Variants in FAM120A observed in about 807,000 individuals in gnomAD.
The protein encoded by FAM120A is family with sequence similarity 120 member A, also known as constitutive coactivator of PPAR-gamma-like protein 1.
A neutral mutation model predicts 109.7 loss-of-function variants in FAM120A; 15 were observed. The ratio of observed to expected loss-of-function variants is 0.14; its 90% CI spans 0.09 to 0.21. FAM120A has a LOEUF of 0.21. Among genes scored for constraint, FAM120A ranks in the 10% least tolerant of loss-of-function variants. FAM120A has a pLI of 1.00. For missense variants in FAM120A, 899 were observed against 1,439.3 expected, an observed-to-expected ratio of 0.62 and a Z score of 6.07; for synonymous variants, 493 against 572.8, an observed-to-expected ratio of 0.86 and a Z score of 1.99.
chr9:93,465,858 G>T (rs892890427), intron 1 of FAM120A, among the ~76,000 whole-genome samples: 5 of 152,174 alleles, frequency 3.3e-5, no homozygotes, highest in Non-Finnish European at 5.9e-5. Flanking sequence ...CAGCTTTTCT[G>T]TTTGTCTTTG....
intron 5 of FAM120A, among the ~76,000 whole-genome samples, chr9:93,508,713 G>C (rs1051290318): frequency 2.2e-4 from 33 of 152,194 alleles, no homozygotes; most frequent in African/African-American, 7.5e-4. Flanking sequence ...ACTGAGAGGG[G>C]CTCCTGTGCT....
At chr9:93,477,565 G>C (rs1358345184) in intron 3 of FAM120A, among the ~76,000 whole-genome samples, 1 of 152,218 alleles carries the variant, frequency 6.6e-6, no homozygotes, top group Non-Finnish European at 1.5e-5. Flanking sequence ...TTGAAATGTG[G>C]ATTGGGGAAA....
intron 3 of FAM120A, among the ~76,000 whole-genome samples, chr9:93,485,314 T>C (rs753785635): frequency 2.0e-5 from 3 of 151,994 alleles, no homozygotes; most frequent in Non-Finnish European, 4.4e-5. Flanking sequence ...AGAGGGCTTG[T>C]GCTGGGTATG....
At position 93,451,842 on chromosome 9, in the gene FAM120A, CGCGCGCCA is replaced by C; in HGVS notation, c.-73_-66del. 5 of 968,580 alleles carry C rather than the reference CGCGCGCCA, an allele frequency of 5.2e-6. No individual in the cohort carries two copies. The highest frequency in any genetic ancestry group is 6.1e-6 in the Non-Finnish European group (5 of 817,514). The allele number at this position is 968,580 out of a possible 1,614,324, so 60.0% of individuals were successfully genotyped here. A position where few individuals can be genotyped will look rare whatever the true frequency, so the allele number is the denominator to read the frequency against. ...CGCCGCCCCCGCCCGCCAGCCCGCC[CGCGCGCCA>C]CGGCCCCACCACCCCCGGCCCCGCC... On this transcript the variant is annotated 5_prime_UTR_variant, in exon 1 of 18. Transcript: ENST00000277165.
chr9:93,453,695 C>T (rs945070276), intron 1 of FAM120A: 2 of 896,874 alleles, frequency 2.2e-6, no homozygotes, highest in East Asian at 1.2e-4. Context: ...CTGGCAGACA[C>T]ACAGCTGCCA....
chr9:93,505,045 G>A (rs952025397), intron 5 of FAM120A, among the ~76,000 whole-genome samples: 18 of 137,486 alleles, frequency 1.3e-4, no homozygotes, highest in African/African-American at 1.6e-4. Flanking sequence ...CATGTTGTTC[G>A]CTTGTGTTTT....
Position 93,543,294 on chromosome 9 carries a change from C to G in FAM120A, c.1982C>G (p.Ala661Gly). 6.2e-7 allele frequency: 1 copy of G among 1,614,240 alleles called. No individual in the cohort carries two copies. Among genetic ancestry groups the G allele is most frequent in the Non-Finnish European group, 8.5e-7 (1 of 1,180,040 alleles). Reference sequence around the variant, plus strand: ...CCTCAAACCCCGGAACTGGTTGAAGCTCTTGCCTTCAGGGAGTGGACCTGC... The same window carrying G: ...CCTCAAACCCCGGAACTGGTTGAAGGTCTTGCCTTCAGGGAGTGGACCTGC... ...KSPQTPELVE[A>G]LAFREWTCPN... The change falls in exon 11 of 18, where the codon GCT becomes GGT. Residue 661 changes from alanine to glycine, a missense_variant. Coordinates refer to ENST00000277165, the MANE Select transcript of FAM120A (RefSeq NM_014612.5).
intron 7 of FAM120A, among the ~76,000 whole-genome samples, chr9:93,517,913 T>G (rs183193639): frequency 4.1e-4 from 62 of 152,284 alleles, no homozygotes; most frequent in African/African-American, 1.2e-3. Context: ...GGTATGCACT[T>G]CCTACCTGTC....
In FAM120A at chr9:93,452,883, C is replaced by T. The variant is rs923150242; in HGVS notation, c.474+494C>T. 1.9e-5 allele frequency: 27 copies of T among 1,447,870 alleles called. No homozygotes were observed. The highest frequency in any genetic ancestry group is 1.9e-5 in the Non-Finnish European group (21 of 1,108,732). 89.7% of individuals were successfully genotyped at this position (1,447,870 alleles called of 1,614,324 possible). ...GGGCTGCAAATATCAGTGCTGCTGCCGCCGCCCTTGCCAATGTTGTTAGCC... is the reference window on the plus strand; with the variant it reads ...GGGCTGCAAATATCAGTGCTGCTGCTGCCGCCCTTGCCAATGTTGTTAGCC... On this transcript the variant is annotated intron_variant, in intron 1 of 17. Coordinates refer to ENST00000277165, the MANE Select transcript of FAM120A (RefSeq NM_014612.5). This position sits in a 1 kb window ranked among gnomAD's most constrained non-coding sequence, Gnocchi z 7.0.
intron 5 of FAM120A, among the ~76,000 whole-genome samples, chr9:93,509,449 T>C (rs1860214849): frequency 6.6e-6 from 1 of 152,274 alleles, no homozygotes; most frequent in African/African-American, 2.4e-5. Context: ...GGTCTGGTAC[T>C]CTGCAATGTG....
chr9:93,505,067 T>TG (rs1429853418), intron 5 of FAM120A, among the ~76,000 whole-genome samples: 4 of 138,124 alleles, frequency 2.9e-5, no homozygotes, highest in Non-Finnish European at 6.2e-5. Context: ...TTTTTTTTTT[T>TG]TTTTTTTTTT....
chr9:93,504,316 A>G (rs1231470865), intron 5 of FAM120A, among the ~76,000 whole-genome samples: 1 of 152,204 alleles, frequency 6.6e-6, no homozygotes, highest in Non-Finnish European at 1.5e-5. Context: ...TATTCTTAGA[A>G]CGTGAAAGCT....
chr9:93,556,555 G>A lies in FAM120A; in HGVS notation c.2448G>A (p.Arg816=), dbSNP rs374603666. The change falls in exon 13 of 18, where the codon CGG becomes CGA. Residue 816 remains arginine, a synonymous_variant. Coordinates refer to ENST00000277165, the MANE Select transcript of FAM120A (RefSeq NM_014612.5). ...LFQSKLLKAS[R]EKTPLIDLCD... ...AATCCAAACTCCTCAAAGCCAGCCG[G>A]GAAAAGACCCCACTCATTGACCTCT... 3.7e-6 allele frequency: 6 copies of A among 1,614,046 alleles called. No homozygotes were observed. Among genetic ancestry groups the A allele is most frequent in the Middle Eastern group, 1.6e-4 (1 of 6,084 alleles).
At chr9:93,468,180 G>A (rs967999183) in intron 1 of FAM120A, among the ~76,000 whole-genome samples, 3 of 152,110 alleles carry the variant, frequency 2.0e-5, no homozygotes, top group African/African-American at 4.8e-5. Flanking sequence ...CACTGCGCCC[G>A]GCTACCACCT....
chr9:93,511,115 C>T (rs1436838596), intron 5 of FAM120A, among the ~76,000 whole-genome samples: 2 of 151,894 alleles, frequency 1.3e-5, no homozygotes, highest in East Asian at 1.9e-4. Flanking sequence ...AAATTTGCTT[C>T]CGTGGTTTAA....
At position 93,471,314 on chromosome 9, in the gene FAM120A, A is replaced by G. The variant is rs758420261; in HGVS notation, c.648A>G (p.Gln216=). 4.3e-6 allele frequency: 7 copies of G among 1,614,120 alleles called. No individual in the cohort carries two copies. Among genetic ancestry groups the G allele is most frequent in the Non-Finnish European group, 5.1e-6 (6 of 1,180,044 alleles). ...SRNGKSLTTS[Q]YLMHEVAKQL... ...ACGGGAAAAGTCTCACCACAAGCCA[A>G]TATCTGATGCATGAAGTTGCCAAGC... The change falls in exon 2 of 18, where the codon CAA becomes CAG. Residue 216 remains glutamine, a synonymous_variant. Coordinates refer to ENST00000277165, the MANE Select transcript of FAM120A (RefSeq NM_014612.5).
intron 15 of FAM120A, among the ~76,000 whole-genome samples, chr9:93,559,193 T>C (rs1262295191): frequency 6.6e-6 from 1 of 152,242 alleles, no homozygotes; most frequent in Non-Finnish European, 1.5e-5. Flanking sequence ...ACAAGGCAGT[T>C]TACTGTAGAT....
intron 5 of FAM120A, among the ~76,000 whole-genome samples, chr9:93,510,884 A>G (rs1362184429): frequency 6.6e-6 from 1 of 150,702 alleles, no homozygotes; most frequent in Non-Finnish European, 1.5e-5. Flanking sequence ...AGACTGGGGC[A>G]CTGGGTAGAT....
In FAM120A at chr9:93,451,890, C is replaced by T. The variant is rs1247443627; in HGVS notation, c.-26C>T. The stretch of plus-strand genomic sequence containing the variant: ...CCGGCCCCGCCGCCCCCCGCCCGCA[C>T]CCGCGCCCGCGCCCCCGCCGCCGCC... On this transcript the variant is annotated 5_prime_UTR_variant, in exon 1 of 18. Transcript: ENST00000277165. 1.8e-5 allele frequency: 22 copies of T among 1,239,882 alleles called. No homozygotes were observed. The highest frequency in any genetic ancestry group is 2.2e-5 in the Non-Finnish European group (22 of 994,622). 76.8% of individuals were successfully genotyped at this position (1,239,882 alleles called of 1,614,324 possible).
Sources: allele counts gnomAD v4.1 joint callset (sites outside exome capture counted in the v4.1 genomes callset), GRCh38; gene constraint gnomAD v4.1.1; non-coding constraint Gnocchi (gnomAD v3.1); transcripts MANE v1.5; gene names NCBI Gene and HGNC (gene_info 2026-07-23, HGNC 2026-07-21).